Variants in DPP6 observed in about 807,000 individuals in gnomAD.
DPP6 encodes A-type potassium channel modulatory protein DPP6.
In DPP6, 69 loss-of-function variants were observed where a neutral mutation model predicts 122.6. The observed-to-expected ratio is 0.56, with a 90% confidence interval of 0.46 to 0.69. The LOEUF (loss-of-function observed/expected upper bound fraction) is 0.69, where lower values mean the gene tolerates loss of function less well. DPP6 is among the 30% of genes least tolerant of loss of function. The probability of loss-of-function intolerance (pLI) is 0.00; values close to 1 mark genes in which losing one functional copy is unlikely to be tolerated. For missense variants in DPP6, 928 were observed against 1,116.9 expected, an observed-to-expected ratio of 0.83 and a Z score of 2.41; for synonymous variants, 418 against 433.1, an observed-to-expected ratio of 0.97 and a Z score of 0.43.
the DPP6 span, among the ~76,000 whole-genome samples, chr7:153,817,413 A>T: frequency 7.0e-6 from 1 of 142,924 alleles, no homozygotes; most frequent in Admixed American, 6.9e-5. Flanking sequence ...TGTGGAAAAC[A>T]AACCTAAAGC....
At chr7:154,009,729 G>A (rs1211211391) in intron 1 of DPP6, among the ~76,000 whole-genome samples, 1 of 151,172 alleles carries the variant, frequency 6.6e-6, no homozygotes, top group Non-Finnish European at 1.5e-5. Flanking sequence ...GCATGAAGTA[G>A]CTAGATTCTG....
chr7:153,874,118 A>G, the DPP6 span, among the ~76,000 whole-genome samples: 3 of 152,240 alleles, frequency 2.0e-5, no homozygotes, highest in African/African-American at 7.2e-5. Flanking sequence ...CTGGAGGAAG[A>G]CAAAGCATCT....
Position 154,727,745 on chromosome 7 carries a change from CTT to C in DPP6, c.763-17_763-16del. 1 of 1,591,928 alleles carries C rather than the reference CTT, an allele frequency of 6.3e-7. No individual in the cohort carries two copies. The highest frequency in any genetic ancestry group is 8.6e-7 in the Non-Finnish European group (1 of 1,168,220). On this transcript the variant is annotated intron_variant, in intron 7 of 25. Coordinates refer to ENST00000377770, the MANE Select transcript of DPP6 (RefSeq NM_130797.4). The stretch of plus-strand genomic sequence containing the variant: ...AACCACTTCCTTGCTTAATATTATG[CTT>C]TTTTCTCTTTCCAAATTAGATATTT...
At chr7:154,261,990 GGGAA>G (rs143872084) in intron 1 of DPP6, among the ~76,000 whole-genome samples, 3,799 of 151,628 alleles carry the variant, frequency 0.025, 152 homozygotes, top group African/African-American at 0.085. Context: ...GATGTAAGCA[GGGAA>G]GGAAGGAAGG....
At chr7:154,506,984 C>T (rs1315967884) in intron 3 of DPP6, among the ~76,000 whole-genome samples, 2 of 152,180 alleles carry the variant, frequency 1.3e-5, no homozygotes, top group African/African-American at 4.8e-5. Flanking sequence ...TCACATCATA[C>T]TTTTCTAGCC....
chr7:154,378,628 G>A (rs954933999), intron 1 of DPP6, among the ~76,000 whole-genome samples: 1 of 152,100 alleles, frequency 6.6e-6, no homozygotes, highest in Non-Finnish European at 1.5e-5. Context: ...GTCTCATAAG[G>A]ACACTAATCT....
the DPP6 span, among the ~76,000 whole-genome samples, chr7:153,772,007 G>A: frequency 1.1e-4 from 16 of 152,104 alleles, no homozygotes; most frequent in Admixed American, 2.0e-4. Flanking sequence ...TGGTTAAAAG[G>A]TATCTATGGT....
intron 5 of DPP6, among the ~76,000 whole-genome samples, chr7:154,599,630 C>T (rs1025342390): frequency 1.3e-5 from 2 of 151,930 alleles, no homozygotes; most frequent in Admixed American, 1.3e-4. Context: ...ATTAACTCGT[C>T]ATTTACATTA....
At chr7:154,733,960 A>AC (rs991237792) in intron 8 of DPP6, among the ~76,000 whole-genome samples, 7 of 152,338 alleles carry the variant, frequency 4.6e-5, no homozygotes, top group African/African-American at 1.7e-4. Context: ...TCACGCTGAT[A>AC]CCCAGTGTGC....
chr7:153,885,770 G>C (rs937001161), upstream of DPP6, among the ~76,000 whole-genome samples: 3 of 152,092 alleles, frequency 2.0e-5, no homozygotes, highest in African/African-American at 7.2e-5. Flanking sequence ...CAAGCATTTT[G>C]CTTTGGTTTA....
chr7:154,419,662 A>G (rs964524472), intron 1 of DPP6, among the ~76,000 whole-genome samples: 2 of 152,148 alleles, frequency 1.3e-5, no homozygotes, highest in Non-Finnish European at 2.9e-5. Context: ...AGTCTATAAA[A>G]CTGGTGAACG....
intron 1 of DPP6, among the ~76,000 whole-genome samples, chr7:154,060,623 A>C (rs1801652844): frequency 7.3e-6 from 1 of 137,020 alleles, no homozygotes; most frequent in Non-Finnish European, 1.6e-5. Flanking sequence ...GGCTCTGAGG[A>C]CCCCCATCGC....
At chr7:154,759,984 A>T (rs538915688) in intron 8 of DPP6, among the ~76,000 whole-genome samples, 1 of 152,194 alleles carries the variant, frequency 6.6e-6, no homozygotes, top group South Asian at 2.1e-4. Flanking sequence ...TTAGCTGGGC[A>T]TGGTGGTGCA....
chr7:154,500,386 A>G (rs1037280764), intron 3 of DPP6, among the ~76,000 whole-genome samples: 2 of 152,198 alleles, frequency 1.3e-5, no homozygotes, highest in Non-Finnish European at 2.9e-5. Context: ...ATAAAAAGGA[A>G]TAGTGAGAGA....
rs1465503636 is a variant in DPP6, at chr7:153,887,796, G to A, written c.51+62G>A. On this transcript the variant is annotated intron_variant, in intron 1 of 25. Coordinates refer to the DPP6 transcript ENST00000404039. ...GGACCCACCGTGAGGAGCGATGCTG[G>A]GGGAGGTCTGTCCTTCTCAGTCCCG... 22 of 1,582,734 alleles carry A rather than the reference G, an allele frequency of 1.4e-5. No homozygotes were observed. The African/African-American group carries it at 2.6e-4, about 18-fold the overall frequency.
At chr7:154,313,685 G>GTGTGTGTGTGTATGTATATATATATA in intron 1 of DPP6, among the ~76,000 whole-genome samples, 1 of 20,468 alleles carries the variant, frequency 4.9e-5, no homozygotes, top group African/African-American at 1.3e-4. Context: ...TTAAGATATG[G>GTGTGTGTGTGTATGTATATATATATA]TATATATATA....
intron 1 of DPP6, among the ~76,000 whole-genome samples, chr7:153,911,182 C>A (rs1168062681): frequency 6.6e-6 from 1 of 152,168 alleles, no homozygotes; most frequent in Non-Finnish European, 1.5e-5. Flanking sequence ...TGAGTCCCAG[C>A]TCCTTTGCAC....
intron 10 of DPP6, among the ~76,000 whole-genome samples, chr7:154,780,980 ATGGT>A (rs944255392): frequency 2.0e-5 from 3 of 152,068 alleles, no homozygotes; most frequent in African/African-American, 7.2e-5. Context: ...GAATAGATGG[ATGGT>A]TGATGGATGA....
chr7:153,846,302 C>G, the DPP6 span, among the ~76,000 whole-genome samples: 4 of 152,060 alleles, frequency 2.6e-5, no homozygotes, highest in Non-Finnish European at 5.9e-5. Context: ...TTTACCATTT[C>G]CTTATTGGTT....
Sources: allele counts gnomAD v4.1 joint callset (sites outside exome capture counted in the v4.1 genomes callset), GRCh38; gene constraint gnomAD v4.1.1; transcripts MANE v1.5; gene names NCBI Gene and HGNC (gene_info 2026-07-23, HGNC 2026-07-21).